Variants in SMAP2 observed in about 807,000 individuals in gnomAD.
SMAP2 encodes stromal membrane-associated protein 2.
A neutral mutation model predicts 56.4 loss-of-function variants in SMAP2; 25 were observed. That is an observed-to-expected ratio of 0.44 (90% CI 0.32 to 0.62). The LOEUF is 0.62. Ranked by LOEUF, SMAP2 falls within the 20% of genes least tolerant of loss-of-function variation. The pLI is 0.04. For missense variants in SMAP2, 388 were observed against 545.6 expected (o/e 0.71, Z 2.88); for synonymous variants, 157 against 181.7 (o/e 0.86, Z 1.09).
At chr1:40,417,418 G>C (rs908929625) in intron 9 of SMAP2, among the ~76,000 whole-genome samples, 1 of 152,034 alleles carries the variant, frequency 6.6e-6, no homozygotes, top group Non-Finnish European at 1.5e-5. Context: ...ATCTCATTTG[G>C]TAGACAGAAT....
At chr1:40,418,913 G>A (rs982755534) in intron 9 of SMAP2, among the ~76,000 whole-genome samples, 14 of 152,156 alleles carry the variant, frequency 9.2e-5, no homozygotes, top group Non-Finnish European at 4.4e-5. Flanking sequence ...CAGAAGATAA[G>A]CTTCATCCAC....
rs200970328 is a variant in SMAP2, at chr1:40,406,704, G to T, written c.104-32G>T. 9.4e-5 allele frequency: 149 copies of T among 1,582,688 alleles called. No individual in the cohort carries two copies. In the African/African-American group the frequency reaches 1.7e-3, roughly 18 times the overall value. ...GTTTAGGCCTTGAATGTTGTAATTT[G>T]TACTTTATTGCCCTGTTCCTGACTT... On this transcript the variant is annotated intron_variant, in intron 1 of 9. Transcript: ENST00000372718.
At chr1:40,390,932 C>T (rs918347414) in intron 1 of SMAP2, among the ~76,000 whole-genome samples, 1 of 152,160 alleles carries the variant, frequency 6.6e-6, no homozygotes, top group Admixed American at 6.5e-5. Context: ...TCTTATGTCT[C>T]ACTTCAAACT....
intron 1 of SMAP2, among the ~76,000 whole-genome samples, chr1:40,360,582 C>T (rs1644455883): frequency 6.6e-6 from 1 of 152,214 alleles, no homozygotes; most frequent in African/African-American, 2.4e-5. Flanking sequence ...GGATTACAGG[C>T]ATGAGCCACT....
In SMAP2 at chr1:40,374,359, G is replaced by A; in HGVS notation, c.103+136G>A. The A allele has an allele frequency of 1.3e-6, 1 of 767,810 alleles. No homozygotes were observed. The highest frequency in any genetic ancestry group is 2.2e-6 in the Non-Finnish European group (1 of 446,578). 47.6% of individuals were successfully genotyped at this position (767,810 alleles called of 1,614,324 possible). A position where few individuals can be genotyped will look rare whatever the true frequency, so the allele number is the denominator to read the frequency against. ...TGGTAACGCGTGCTGCGCTTGCAGT[G>A]AGCCTACTGGGCTTTCTGCAGCTGG... On this transcript the variant is annotated intron_variant, in intron 1 of 9. Transcript: ENST00000372718. This position sits in a 1 kb window ranked among gnomAD's most constrained non-coding sequence, Gnocchi z 5.9.
At chr1:40,355,124 T>G (rs1182367574) in intron 1 of SMAP2, among the ~76,000 whole-genome samples, 1 of 152,096 alleles carries the variant, frequency 6.6e-6, no homozygotes, top group Non-Finnish European at 1.5e-5. Context: ...ATCACCCTTA[T>G]GCTGATACTG....
At chr1:40,361,557 G>C (rs774752161) in intron 1 of SMAP2, among the ~76,000 whole-genome samples, 8 of 152,150 alleles carry the variant, frequency 5.3e-5, no homozygotes, top group Non-Finnish European at 1.2e-4. Context: ...TTAGCTCTTA[G>C]ATGGCATTTC....
intron 2 of SMAP2, among the ~76,000 whole-genome samples, chr1:40,364,002 G>A (rs78774115): frequency 6.6e-6 from 1 of 152,148 alleles, no homozygotes; most frequent in Non-Finnish European, 1.5e-5. Context: ...GTAAAACAGG[G>A]AGCATAATTA....
chr1:40,388,945 G>C (rs902188523), intron 1 of SMAP2, among the ~76,000 whole-genome samples: 1 of 151,938 alleles, frequency 6.6e-6, no homozygotes, highest in Admixed American at 6.6e-5. Context: ...TGCCTTAAGA[G>C]CTTTAACACT....
chr1:40,412,482 T>A (rs1446755620), intron 4 of SMAP2, among the ~76,000 whole-genome samples: 1 of 152,204 alleles, frequency 6.6e-6, no homozygotes, highest in Non-Finnish European at 1.5e-5. Context: ...TTGTTTTACA[T>A]TTAGATGTTT....
In SMAP2 at chr1:40,406,722, C is replaced by G; in HGVS notation, c.104-14C>G. ...GTAATTTGTACTTTATTGCCCTGTTCCTGACTTTCACAGGGCCGCGATGGG... is the reference window on the plus strand; with the variant it reads ...GTAATTTGTACTTTATTGCCCTGTTGCTGACTTTCACAGGGCCGCGATGGG... On this transcript the variant is annotated splice_polypyrimidine_tract_variant and intron_variant, in intron 1 of 9. Transcript: ENST00000372718. The G allele has an allele frequency of 6.2e-7, 1 of 1,609,104 alleles. No homozygotes were observed. The highest frequency in any genetic ancestry group is 1.1e-5 in the South Asian group (1 of 90,584).
chr1:40,346,682 T>A (rs1013010827), intron 1 of SMAP2, among the ~76,000 whole-genome samples: 6 of 150,800 alleles, frequency 4.0e-5, no homozygotes, highest in Admixed American at 3.3e-4. Context: ...AAGTGTGATT[T>A]TTTAAAAAAT....
At chr1:40,345,883 G>GTATTT (rs1329394751) in intron 1 of SMAP2, among the ~76,000 whole-genome samples, 1 of 58,664 alleles carries the variant, frequency 1.7e-5, no homozygotes, top group Non-Finnish European at 3.1e-5. Flanking sequence ...GTATTATATT[G>GTATTT]TATTGTATTA....
At chr1:40,348,620 T>C (rs977050905) in intron 1 of SMAP2, among the ~76,000 whole-genome samples, 3 of 151,578 alleles carry the variant, frequency 2.0e-5, no homozygotes, top group South Asian at 4.2e-4. Flanking sequence ...GAGGTTGCAG[T>C]GAGCAGAGAT....
upstream of SMAP2, among the ~76,000 whole-genome samples, chr1:40,372,680 G>C (rs952932584): frequency 2.0e-5 from 3 of 152,168 alleles, no homozygotes; most frequent in African/African-American, 7.2e-5. Context: ...TCCTGGTCTT[G>C]GGAGAAAGTA....
chr1:40,384,167 G>T (rs1353934187), intron 1 of SMAP2, among the ~76,000 whole-genome samples: 2 of 152,226 alleles, frequency 1.3e-5, no homozygotes, highest in African/African-American at 4.8e-5. Flanking sequence ...CTCCCAAAGT[G>T]CTGGGATTGC....
In SMAP2 at chr1:40,386,042, G is replaced by T. The variant is rs115015974; in HGVS notation, c.103+11819G>T. Among the ~76,000 whole-genome samples, 313 of 152,328 alleles carry T rather than the reference G, an allele frequency of 2.1e-3. 1 individual carries two copies. Among genetic ancestry groups the T allele is most frequent in the African/African-American group, 7.0e-3 (293 of 41,568 alleles). On this transcript the variant is annotated intron_variant, in intron 1 of 9. Transcript: ENST00000372718. This position sits in a 1 kb window ranked among gnomAD's most constrained non-coding sequence, Gnocchi z 4.1. ...CATATGCTGTAGTGTAAAGCTTGTA[G>T]AGAAGGGGGCATTGGTGTCTTTTTG...
rs1644905851 is a variant in SMAP2 at position 40,408,451 on chromosome 1, A to G, written c.238-202A>G. ...AAAAGGAACCTATGGAGTGGGGGAA[A>G]GACAGCTTGGGGCAAATGATTGGGA... On this transcript the variant is annotated intron_variant, in intron 2 of 9. Transcript: ENST00000372718. The surrounding 1 kb of genome is among the most constrained non-coding windows in gnomAD (Gnocchi z 4.3). Among the ~76,000 whole-genome samples the G allele has an allele frequency of 6.6e-6, 1 of 152,212 alleles. No individual in the cohort carries two copies. Among genetic ancestry groups the G allele is most frequent in the African/African-American group, 2.4e-5 (1 of 41,452 alleles).
In SMAP2 at chr1:40,415,347, C is replaced by T; in HGVS notation, c.647C>T (p.Ser216Phe). The change falls in exon 7 of 10, where the codon TCT becomes TTT. Residue 216 changes from serine (S) to phenylalanine (F), a missense_variant. Coordinates refer to ENST00000372718, the MANE Select transcript of SMAP2 (RefSeq NM_022733.3). ...GAGAAGGATTTAGATCTGTTGGCCT[C>T]TGTTCCATCCCCTTCTTCTTCCGGT... ...TLEKDLDLLA[S>F]VPSPSSSGSR... 1 of 1,613,804 alleles carries T rather than the reference C, an allele frequency of 6.2e-7. No homozygotes were observed. Among genetic ancestry groups the T allele is most frequent in the East Asian group, 2.2e-5 (1 of 44,880 alleles).
Sources: allele counts gnomAD v4.1 joint callset (sites outside exome capture counted in the v4.1 genomes callset), GRCh38; gene constraint gnomAD v4.1.1; non-coding constraint Gnocchi (gnomAD v3.1); transcripts MANE v1.5; gene names NCBI Gene and HGNC (gene_info 2026-07-23, HGNC 2026-07-21).